Variants in PREP observed in about 807,000 individuals in gnomAD.
PREP encodes the protein prolyl endopeptidase.
PREP carries 29 observed loss-of-function variants against 87.6 expected under a neutral mutation model. The observed-to-expected ratio is 0.33, with a 90% CI of 0.25 to 0.45. The LOEUF (loss-of-function observed/expected upper bound fraction) is 0.45, where lower values mean the gene tolerates loss of function less well. Ranked by LOEUF, PREP falls within the 20% of genes least tolerant of loss-of-function variation. The pLI is 1.00. For synonymous variants in PREP, 337 were observed against 328.6 expected (o/e 1.03, Z -0.28); for missense variants, 695 against 886.5 (o/e 0.78, Z 2.74).
Position 105,364,779 on chromosome 6 carries a change from A to T in PREP, c.717+4124T>A, listed in dbSNP as rs547316208. 2.4e-4 allele frequency among the ~76,000 whole-genome samples: 36 copies of T among 152,330 alleles called. No individual in the cohort carries two copies. In the South Asian group the frequency reaches 7.5e-3, roughly 32 times the overall value. Reference sequence around the variant, plus strand: ...GGCCACAGACCGAACTAGAATAAAAATTTCTGTTCCAGTACAGTCCTCCCA... The same window carrying T: ...GGCCACAGACCGAACTAGAATAAAATTTTCTGTTCCAGTACAGTCCTCCCA... On this transcript the variant is annotated intron_variant, in intron 6 of 14. Coordinates refer to ENST00000652536, the MANE Select transcript of PREP (RefSeq NM_002726.5).
intron 8 of PREP, among the ~76,000 whole-genome samples, chr6:105,330,501 G>A (rs1321559010): frequency 1.3e-5 from 2 of 152,194 alleles, no homozygotes; most frequent in African/African-American, 4.8e-5. Flanking sequence ...TGGGAGAGCA[G>A]GAGTGAGAGG....
At chr6:105,344,084 C>A (rs529505713) in intron 7 of PREP, among the ~76,000 whole-genome samples, 4 of 152,162 alleles carry the variant, frequency 2.6e-5, no homozygotes, top group African/African-American at 9.7e-5. Context: ...ATGTTTATTG[C>A]GGCACTATTC....
intron 10 of PREP, among the ~76,000 whole-genome samples, chr6:105,294,143 A>G (rs1424610541): frequency 6.6e-6 from 1 of 152,130 alleles, no homozygotes; most frequent in East Asian, 1.9e-4. Flanking sequence ...GTGGTTTTTG[A>G]GCCTTATTGA....
chr6:105,334,003 C>A (rs1771413614), intron 7 of PREP, among the ~76,000 whole-genome samples: 1 of 152,186 alleles, frequency 6.6e-6, no homozygotes, highest in East Asian at 1.9e-4. Flanking sequence ...AGAGATGCTG[C>A]AATGCACAGG....
chr6:105,397,189 A>AAAAAAG (rs1773309565), intron 2 of PREP, among the ~76,000 whole-genome samples: 1 of 151,614 alleles, frequency 6.6e-6, no homozygotes, highest in Non-Finnish European at 1.5e-5. Context: ...TGTCTACAAA[A>AAAAAAG]AAAAAAAAAA....
At chr6:105,302,720 G>C (rs1583043957) in intron 10 of PREP, 1 of 513,132 alleles carries the variant, frequency 1.9e-6, no homozygotes, top group Non-Finnish European at 3.8e-6. Context: ...CCGCCTGTCA[G>C]TGGCGATGCG....
intron 6 of PREP, among the ~76,000 whole-genome samples, chr6:105,358,842 T>C (rs1772169873): frequency 6.6e-6 from 1 of 152,184 alleles, no homozygotes; most frequent in South Asian, 2.1e-4. Flanking sequence ...GGTTATGCCA[T>C]TCGTCATTGT....
intron 10 of PREP, among the ~76,000 whole-genome samples, chr6:105,317,867 A>G (rs1236621703): frequency 2.0e-5 from 3 of 152,228 alleles, no homozygotes; most frequent in Admixed American, 2.0e-4. Context: ...TAGAAACAGT[A>G]TTAAATTTCT....
At chr6:105,279,650 T>A (rs1418698763) in intron 14 of PREP, among the ~76,000 whole-genome samples, 1 of 152,226 alleles carries the variant, frequency 6.6e-6, no homozygotes, top group Non-Finnish European at 1.5e-5. Context: ...GGAGGTGTGC[T>A]GGGCTTGAGG....
At chr6:105,282,327 G>A (rs917474611) in intron 13 of PREP, 124 bp downstream of exon 13, 1 of 1,181,828 alleles carries the variant, frequency 8.5e-7, no homozygotes, top group Non-Finnish European at 1.2e-6. Context: ...AATGGGTTTT[G>A]CTCTCCTTAT....
intron 9 of PREP, among the ~76,000 whole-genome samples, chr6:105,326,861 C>T (rs1457557513): frequency 6.6e-6 from 1 of 152,192 alleles, no homozygotes. Context: ...AAAGCTTGGT[C>T]AGAAAATGCC....
In PREP at chr6:105,288,834, T is replaced by C; in HGVS notation, c.1378A>G (p.Ile460Val). The C allele has an allele frequency of 1.2e-6, 2 of 1,614,038 alleles. No homozygotes were observed. The highest frequency in any genetic ancestry group is 1.7e-6 in the Non-Finnish European group (2 of 1,179,860). Residue 460 changes from isoleucine (I) to valine (V), a missense_variant, in exon 11 of 15, where the codon ATA (isoleucine) becomes GTA (valine). Coordinates refer to ENST00000652536, the MANE Select transcript of PREP (RefSeq NM_002726.5). ...IPMFIVHKKG[I>V]KLDGSHPAFL... is the part of the protein sequence containing the mutation. The stretch of plus-strand genomic sequence containing the variant: ...GCTGGATGAGAGCCATCCAATTTTA[T>C]GCCTTTTTTATGCACAATGAACATT...
intron 13 of PREP, among the ~76,000 whole-genome samples, chr6:105,282,189 T>TC (rs1174220061): frequency 6.6e-6 from 1 of 152,098 alleles, no homozygotes; most frequent in Non-Finnish European, 1.5e-5. Context: ...CCTCCTCCCA[T>TC]CCCCACTTGC....
chr6:105,325,533 G>A (rs1232199483), intron 9 of PREP, among the ~76,000 whole-genome samples: 4 of 152,222 alleles, frequency 2.6e-5, no homozygotes, highest in Admixed American at 1.3e-4. Flanking sequence ...CACGGAAAGA[G>A]TTTCAAATGC....
intron 10 of PREP, among the ~76,000 whole-genome samples, chr6:105,294,744 A>C (rs960482549): frequency 1.3e-5 from 2 of 152,240 alleles, no homozygotes; most frequent in African/African-American, 4.8e-5. Flanking sequence ...TCTTCTGCAA[A>C]GAACTAGGAC....
At chr6:105,340,543 T>C (rs1196469922) in intron 7 of PREP, among the ~76,000 whole-genome samples, 1 of 152,048 alleles carries the variant, frequency 6.6e-6, no homozygotes, top group Non-Finnish European at 1.5e-5. Context: ...CACATAACAA[T>C]ATAACCTTAA....
At chr6:105,301,894 A>C (rs1770543960) in intron 10 of PREP, among the ~76,000 whole-genome samples, 2 of 152,156 alleles carry the variant, frequency 1.3e-5, no homozygotes, top group East Asian at 3.8e-4. Flanking sequence ...CAAACTGTGA[A>C]GCCAAAAGCG....
Position 105,402,869 on chromosome 6 carries a change from T to C in PREP, c.23A>G (p.Asp8Gly), listed in dbSNP as rs1451619521. ...TACGGCGGTCTCGTCGCGGTACACG[T>C]CGGGGTACTGAAGGGACAGCATGGC... MLSLQYP[D>G]VYRDETAVQD... is the part of the protein sequence containing the mutation. The change falls in exon 1 of 15, where the codon GAC (aspartate) becomes GGC (glycine). Residue 8 changes from aspartate to glycine, a missense_variant. Physicochemically the swap from Asp to Gly is moderately conservative, Grantham distance 94 (BLOSUM62 -1). Coordinates refer to ENST00000652536, the MANE Select transcript of PREP (RefSeq NM_002726.5). The C allele has an allele frequency of 6.5e-7, 1 of 1,543,660 alleles. No homozygotes were observed. Among genetic ancestry groups the C allele is most frequent in the South Asian group, 1.2e-5 (1 of 83,454 alleles).
chr6:105,367,689 GA>G (rs1385545395), intron 6 of PREP, among the ~76,000 whole-genome samples: 2 of 142,870 alleles, frequency 1.4e-5, no homozygotes, highest in East Asian at 4.0e-4. Context: ...AAAAAAAAAA[GA>G]AAAACGGACA....
Sources: allele counts gnomAD v4.1 joint callset (sites outside exome capture counted in the v4.1 genomes callset), GRCh38; gene constraint gnomAD v4.1.1; transcripts MANE v1.5; gene names NCBI Gene and HGNC (gene_info 2026-07-23, HGNC 2026-07-21).